The following CEP128 variants were observed in gnomAD, a reference collection of about 807,000 sequenced individuals.
CEP128 encodes centrosomal protein 128kDa.
In CEP128, 132 loss-of-function variants were observed where a neutral mutation model predicts 156.7. The observed-to-expected ratio is 0.84, with a 90% CI of 0.73 to 0.97. The LOEUF is 0.97. Among genes scored for constraint, CEP128 ranks in the 50% least tolerant of loss-of-function variants. CEP128 has a pLI of 0.00. For synonymous variants in CEP128, 469 were observed against 448.9 expected, an observed-to-expected ratio of 1.04 and a Z score of -0.57; for missense variants, 1,252 against 1,281.9, an observed-to-expected ratio of 0.98 and a Z score of 0.36.
At position 80,553,968 on chromosome 14, in the gene CEP128, T is replaced by C. The variant is rs374466853; in HGVS notation, c.2880+5311A>G. ...ATAGAGGAGGACGTCAGCATTTCAG[T>C]GCTAAGGTGATTTACCCATAGAATT... On this transcript the variant is annotated intron_variant, in intron 21 of 24. Transcript: ENST00000555265. Among the ~76,000 whole-genome samples the C allele has an allele frequency of 1.1e-4, 16 of 152,302 alleles. 1 individual carries two copies. The East Asian group carries it at 2.3e-3, about 22-fold the overall frequency.
At chr14:80,600,682 A>AT (rs1566804206) in intron 19 of CEP128, among the ~76,000 whole-genome samples, 2 of 152,126 alleles carry the variant, frequency 1.3e-5, no homozygotes, top group African/African-American at 4.8e-5. Context: ...GTATAAATGT[A>AT]TTTTTTCTTT....
At chr14:80,905,863 A>AT in intron 5 of CEP128, 92 bp downstream of exon 5, 2 of 1,229,514 alleles carry the variant, frequency 1.6e-6, no homozygotes, top group Non-Finnish European at 2.3e-6. Flanking sequence ...GCATGAAGTT[A>AT]TGTGTGGGTC....
chr14:80,595,830 G>C (rs922786496), intron 19 of CEP128, among the ~76,000 whole-genome samples: 1 of 152,140 alleles, frequency 6.6e-6, no homozygotes, highest in African/African-American at 2.4e-5. Context: ...GCAAAGTCAC[G>C]TCTTACACGG....
intron 19 of CEP128, among the ~76,000 whole-genome samples, chr14:80,700,820 A>C (rs1244655172): frequency 6.6e-6 from 1 of 152,190 alleles, no homozygotes; most frequent in East Asian, 1.9e-4. Context: ...CAACTTCAGA[A>C]AATAATATTG....
At chr14:80,659,898 C>T (rs531411338) in intron 19 of CEP128, among the ~76,000 whole-genome samples, 25 of 152,250 alleles carry the variant, frequency 1.6e-4, no homozygotes, top group African/African-American at 5.8e-4. Flanking sequence ...TACCCATGCC[C>T]CCTTATCAGG....
intron 8 of CEP128, among the ~76,000 whole-genome samples, chr14:80,888,842 C>T (rs867951279): frequency 6.6e-6 from 1 of 152,196 alleles, no homozygotes; most frequent in Non-Finnish European, 1.5e-5. Context: ...GTCAAATTGT[C>T]TCCGTTTGCA....
At chr14:80,931,339 A>G (rs1405283580) in intron 2 of CEP128, among the ~76,000 whole-genome samples, 1 of 152,198 alleles carries the variant, frequency 6.6e-6, no homozygotes, top group African/African-American at 2.4e-5. Flanking sequence ...TGTGTCATCC[A>G]TGGAGAAATG....
intron 19 of CEP128, among the ~76,000 whole-genome samples, chr14:80,592,862 A>G (rs1053029421): frequency 6.6e-6 from 1 of 152,184 alleles, no homozygotes; most frequent in Non-Finnish European, 1.5e-5. Flanking sequence ...AAATCAATAA[A>G]TGTAATCATT....
intron 18 of CEP128, among the ~76,000 whole-genome samples, chr14:80,743,876 C>CTT (rs34446741): frequency 1.7e-4 from 25 of 143,448 alleles, no homozygotes; most frequent in Admixed American, 9.8e-4. Flanking sequence ...CTCTCTCACT[C>CTT]TTTTTTTTTT....
chr14:80,739,547 G>A (rs1898699414), intron 19 of CEP128, among the ~76,000 whole-genome samples: 1 of 152,000 alleles, frequency 6.6e-6, no homozygotes, highest in Non-Finnish European at 1.5e-5. Context: ...GCTTTTCTAT[G>A]ACTAGTAGTA....
chr14:80,568,192 T>C (rs1890997359), intron 20 of CEP128, among the ~76,000 whole-genome samples: 1 of 152,154 alleles, frequency 6.6e-6, no homozygotes, highest in South Asian at 2.1e-4. Flanking sequence ...GACATCTCCT[T>C]TGTTTCCCCG....
chr14:80,914,374 A>T lies in CEP128; in HGVS notation c.182T>A (p.Met61Lys). ...TSRNLRQVDQMLGRYREYSNG... is the reference protein window; with the variant it reads ...TSRNLRQVDQKLGRYREYSNG... ...ACTGTATTCTCGGTATCGTCCAAGC[A>T]TCTGGTCCACTTGTCGCAGGTTCCG... The change falls in exon 4 of 25, where the codon ATG becomes AAG. Residue 61 changes from methionine to lysine, a missense_variant. Physicochemically the swap from Met to Lys is moderately conservative, Grantham distance 95. Coordinates refer to ENST00000555265, the MANE Select transcript of CEP128 (RefSeq NM_152446.5). The T allele has an allele frequency of 6.2e-7, 1 of 1,613,990 alleles. No individual in the cohort carries two copies.
rs554205093 is a variant in CEP128, at chr14:80,955,555, T to C, written c.-172+2623A>G. On this transcript the variant is annotated intron_variant, in intron 2 of 7. Transcript: ENST00000555529. ...TCCACAGTGGTGAGGTCACAGCCCC[T>C]TGGAGCCCTCCCTCTTCCCACCCCT... 20 of 1,171,366 alleles carry C rather than the reference T, an allele frequency of 1.7e-5. No homozygotes were observed. In the East Asian group the frequency reaches 4.2e-4, roughly 25 times the overall value. 72.6% of individuals were successfully genotyped at this position (1,171,366 alleles called of 1,614,324 possible).
intron 19 of CEP128, among the ~76,000 whole-genome samples, chr14:80,681,820 ACAG>A (rs1411763794): frequency 6.6e-6 from 1 of 152,242 alleles, no homozygotes; most frequent in Non-Finnish European, 1.5e-5. Context: ...CAACAAGAGA[ACAG>A]TCTAATACAG....
At chr14:80,477,936 T>C (rs1594894855) in exon 15 of CEP128, 1 of 152,216 alleles carries the variant, frequency 6.6e-6, no homozygotes. Context: ...CAAAATTCCA[T>C]ATTTACTCAT....
chr14:80,584,889 A>G (rs180823278), intron 19 of CEP128, among the ~76,000 whole-genome samples: 1 of 152,206 alleles, frequency 6.6e-6, no homozygotes, highest in Non-Finnish European at 1.5e-5. Flanking sequence ...GGAAAGAGCT[A>G]AAGGGCTGCT....
intron 19 of CEP128, chr14:80,742,874 T>C: frequency 3.6e-6 from 2 of 559,204 alleles, no homozygotes; most frequent in Non-Finnish European, 6.3e-6. Flanking sequence ...AGTTATCATA[T>C]ACACAGGAGG....
chr14:80,565,999 C>G (rs1032009054), intron 20 of CEP128, among the ~76,000 whole-genome samples: 20 of 152,136 alleles, frequency 1.3e-4, no homozygotes, highest in Admixed American at 1.2e-3. Context: ...TCTATCTTTT[C>G]CACATCTTAG....
intron 19 of CEP128, among the ~76,000 whole-genome samples, chr14:80,723,008 A>G (rs1049336914): frequency 6.6e-6 from 1 of 151,820 alleles, no homozygotes; most frequent in East Asian, 1.9e-4. Context: ...TTGTATTTTT[A>G]GTAGAGACGG....
Sources: allele counts gnomAD v4.1 joint callset (sites outside exome capture counted in the v4.1 genomes callset), GRCh38; gene constraint gnomAD v4.1.1; transcripts MANE v1.5; gene names NCBI Gene and HGNC (gene_info 2026-07-23, HGNC 2026-07-21).